The following CERKL variants were observed in gnomAD, a reference collection of about 807,000 sequenced individuals.
CERKL encodes CERK like autophagy regulator.
A neutral mutation model predicts 63.4 loss-of-function variants in CERKL; 61 were observed. That is an observed-to-expected ratio of 0.96 (90% CI 0.78 to 1.19). The LOEUF is 1.19. Among genes scored for constraint, CERKL ranks in the 50% most tolerant of loss-of-function variants. The pLI, the probability that CERKL is intolerant of heterozygous loss-of-function variation, is 0.00. For missense variants in CERKL, 675 were observed against 655.5 expected (o/e 1.03, Z -0.33); for synonymous variants, 250 against 230.5 (o/e 1.08, Z -0.77).
At position 181,537,697 on chromosome 2, in the gene CERKL, T is replaced by A. The variant is rs977850581; in HGVS notation, c.*487A>T. Reference sequence around the variant, plus strand: ...ATCTAGGTTAAATATTGATGTATTATGATGGTTGCAAAGTTTTTTTGTGTG... The same window carrying A: ...ATCTAGGTTAAATATTGATGTATTAAGATGGTTGCAAAGTTTTTTTGTGTG... On this transcript the variant is annotated 3_prime_UTR_variant, in exon 13 of 13. Transcript: ENST00000410087. 9.3e-6 allele frequency: 4 copies of A among 428,240 alleles called. No homozygotes were observed. Among genetic ancestry groups the A allele is most frequent in the African/African-American group, 8.4e-5 (4 of 47,692 alleles). 26.5% of individuals were successfully genotyped at this position (428,240 alleles called of 1,614,324 possible).
chr2:181,579,921 C>T (rs963925618), intron 2 of CERKL, among the ~76,000 whole-genome samples: 1 of 151,772 alleles, frequency 6.6e-6, no homozygotes, highest in Non-Finnish European at 1.5e-5. Flanking sequence ...TCTGCACTGC[C>T]CATCTGAGAT....
At chr2:181,636,697 TGG>T (rs1387992289) in intron 1 of CERKL, among the ~76,000 whole-genome samples, 1 of 152,204 alleles carries the variant, frequency 6.6e-6, no homozygotes. Flanking sequence ...TTTTCTAGAA[TGG>T]TTTCCTTGCT....
intron 2 of CERKL, among the ~76,000 whole-genome samples, chr2:181,578,558 A>T (rs1336908713): frequency 6.6e-6 from 1 of 150,800 alleles, no homozygotes; most frequent in Non-Finnish European, 1.5e-5. Flanking sequence ...TCAGTCTCCC[A>T]AAGTGCTAGG....
intron 11 of CERKL, among the ~76,000 whole-genome samples, chr2:181,540,347 T>C (rs142632623): frequency 2.2e-4 from 34 of 152,352 alleles, no homozygotes; most frequent in African/African-American, 7.0e-4. Context: ...TGATAATTCA[T>C]TTAAAACACA....
chr2:181,623,924 ATATAT>A (rs1321136889), intron 1 of CERKL, among the ~76,000 whole-genome samples: 2 of 152,176 alleles, frequency 1.3e-5, no homozygotes. Flanking sequence ...GTGTTATGTA[ATATAT>A]TATATATACC....
intron 2 of CERKL, among the ~76,000 whole-genome samples, chr2:181,581,708 A>G (rs1198718926): frequency 6.6e-6 from 1 of 152,220 alleles, no homozygotes; most frequent in Non-Finnish European, 1.5e-5. Context: ...ATCCAATGCA[A>G]TCAACCTGCC....
rs765139256 is a variant in CERKL, at chr2:181,566,050, T to C, written c.677+8A>G. ...ATATAACATATATTGATTAATAATA[T>C]AACCTACCCATCAAATCCCTGGAGT... On this transcript the variant is annotated splice_region_variant and intron_variant, in intron 4 of 12. Transcript: ENST00000410087. The C allele has an allele frequency of 1.2e-5, 19 of 1,570,286 alleles. No individual in the cohort carries two copies. The highest frequency in any genetic ancestry group is 1.7e-5 in the Non-Finnish European group (19 of 1,140,852).
At chr2:181,538,548 C>G (rs541590088) in intron 12 of CERKL, among the ~76,000 whole-genome samples, 36 of 152,284 alleles carry the variant, frequency 2.4e-4, no homozygotes, top group African/African-American at 8.4e-4. Flanking sequence ...CTTCTAACCA[C>G]TGAGTGTCAC....
In CERKL at chr2:181,604,539, C is replaced by T. The variant is rs1308244906; in HGVS notation, c.239-460G>A. Among the ~76,000 whole-genome samples, 4 of 152,024 alleles carry T rather than the reference C, an allele frequency of 2.6e-5. 1 individual carries two copies. Among genetic ancestry groups the T allele is most frequent in the Admixed American group, 1.3e-4 (2 of 15,268 alleles). On this transcript the variant is annotated intron_variant, in intron 1 of 12. Coordinates refer to ENST00000410087, the MANE Select transcript of CERKL (RefSeq NM_201548.5). ...AGAGAGTCCCTGCCACACAGGCCTA[C>T]AACATTCGACATCTGAGGATAGTCA...
intron 1 of CERKL, among the ~76,000 whole-genome samples, chr2:181,605,671 G>A (rs1201312058): frequency 6.6e-6 from 1 of 152,056 alleles, no homozygotes; most frequent in Non-Finnish European, 1.5e-5. Flanking sequence ...AAAAAATTCA[G>A]CCATCCTGCA....
At chr2:181,620,053 A>ATTAAT in intron 1 of CERKL, among the ~76,000 whole-genome samples, 1 of 152,212 alleles carries the variant, frequency 6.6e-6, no homozygotes, top group East Asian at 1.9e-4. Context: ...ATATTAGTGT[A>ATTAAT]ACTGAACCTC....
chr2:181,609,533 TAAA>T (rs869037405), intron 1 of CERKL, among the ~76,000 whole-genome samples: 25 of 70,230 alleles, frequency 3.6e-4, no homozygotes, highest in East Asian at 1.5e-3. Flanking sequence ...CTGTCTCTAC[TAAA>T]AAAAAAAAAA....
chr2:181,632,323 C>T (rs1686999084), intron 1 of CERKL, among the ~76,000 whole-genome samples: 1 of 152,122 alleles, frequency 6.6e-6, no homozygotes, highest in African/African-American at 2.4e-5. Flanking sequence ...TCCCTTAACA[C>T]TGGGATTTTG....
At chr2:181,656,691 C>T in intron 1 of CERKL, 78 bp downstream of exon 1, 1 of 1,237,238 alleles carries the variant, frequency 8.1e-7, no homozygotes, top group Non-Finnish European at 1.1e-6. Context: ...GGAGCAAAAG[C>T]TCGTGGGTGT....
At position 181,567,102 on chromosome 2, in the gene CERKL, T is replaced by C. The variant is rs186214127; in HGVS notation, c.614-981A>G. On this transcript the variant is annotated intron_variant, in intron 3 of 12. Transcript: ENST00000410087. Reference sequence around the variant, plus strand: ...TCATTCTGTATCCAGCAGTGTTACATTGTAATTCTCCCATAGCTTATTCAA... The same window carrying C: ...TCATTCTGTATCCAGCAGTGTTACACTGTAATTCTCCCATAGCTTATTCAA... 3.3e-3 allele frequency among the ~76,000 whole-genome samples: 508 copies of C among 152,280 alleles called. 1 individual carries two copies. Among genetic ancestry groups the C allele is most frequent in the Non-Finnish European group, 5.2e-3 (351 of 68,010 alleles).
chr2:181,630,107 C>A (rs1027166743), intron 1 of CERKL, among the ~76,000 whole-genome samples: 6 of 152,022 alleles, frequency 3.9e-5, no homozygotes, highest in Non-Finnish European at 7.4e-5. Context: ...TCTCTGCTCA[C>A]TGTGACCTCT....
Position 181,656,951 on chromosome 2 carries a change from TCCTCCCGGCCGC to T in CERKL, c.44_55del (p.Gly15_Glu18del), listed in dbSNP as rs780332524. ...AGCGGCAGCCTCCGGGGGCGCCTCTTCCTCCCGGCCGCCCTCCAGGGCACTCACCCGGTTCCT... is the reference window on the plus strand; with the variant it reads ...AGCGGCAGCCTCCGGGGGCGCCTCTTCCTCCAGGGCACTCACCCGGTTCCT... On this transcript the variant is annotated inframe_deletion, in exon 1 of 13. Transcript: ENST00000410087. 5.0e-6 allele frequency: 8 copies of T among 1,585,268 alleles called. No individual in the cohort carries two copies. The African/African-American group carries it at 9.5e-5, about 19-fold the overall frequency.
chr2:181,567,764 T>C (rs1235444399), intron 3 of CERKL, among the ~76,000 whole-genome samples: 1 of 152,162 alleles, frequency 6.6e-6, no homozygotes, highest in Non-Finnish European at 1.5e-5. Context: ...TAGGTGGTTA[T>C]ACAAAACAAT....
intron 2 of CERKL, among the ~76,000 whole-genome samples, chr2:181,585,708 T>TA (rs143583501): frequency 0.023 from 3,475 of 152,296 alleles, 123 homozygotes; most frequent in African/African-American, 0.079. Context: ...TGAGAACTGG[T>TA]AAAAAATCTT....
Sources: allele counts gnomAD v4.1 joint callset (sites outside exome capture counted in the v4.1 genomes callset), GRCh38; gene constraint gnomAD v4.1.1; transcripts MANE v1.5; gene names NCBI Gene and HGNC (gene_info 2026-07-23, HGNC 2026-07-21).